DCBLD2: variants seen among roughly 807,000 people sequenced by gnomAD.
DCBLD2 encodes discoidin, CUB and LCCL domain-containing protein 2.
A neutral mutation model predicts 86.8 loss-of-function variants in DCBLD2; 54 were observed. The observed-to-expected ratio is 0.62, with a 90% CI of 0.50 to 0.78. The LOEUF (loss-of-function observed/expected upper bound fraction) is 0.78. DCBLD2 is among the 30% of genes least tolerant of loss of function. The pLI is 0.00. For missense variants in DCBLD2, 908 were observed against 954.2 expected, an observed-to-expected ratio of 0.95 and a Z score of 0.64; for synonymous variants, 354 against 341.3, an observed-to-expected ratio of 1.04 and a Z score of -0.41.
chr3:98,817,758 A>C lies in DCBLD2; in HGVS notation c.1212+11T>G, dbSNP rs201485167. The C allele has an allele frequency of 1.4e-3, 2,207 of 1,612,310 alleles. 4 individuals carry two copies. The highest frequency in any genetic ancestry group is 1.6e-3 in the Non-Finnish European group (1,931 of 1,178,944). ...AAATGTTTTTTAAAAATACCTTGGT[A>C]ATCATTTTACCTTATCTTGCTCCAC... is the stretch of plus-strand genomic sequence containing the variant. On this transcript the variant is annotated intron_variant, in intron 9 of 15. Coordinates refer to ENST00000326840, the MANE Select transcript of DCBLD2 (RefSeq NM_080927.4).
At position 98,819,479 on chromosome 3, in the gene DCBLD2, G is replaced by A. The variant is rs761116917; in HGVS notation, c.872-62C>T. On this transcript the variant is annotated intron_variant, in intron 7 of 15. Transcript: ENST00000326840. ...ATAATTTCAAAATGCATGTAGACCT[G>A]CTCACTGAAAACTTTCTATTCCATC... 12 of 1,546,278 alleles carry A rather than the reference G, an allele frequency of 7.8e-6. No individual in the cohort carries two copies. The South Asian group carries it at 1.1e-4, about 15-fold the overall frequency.
chr3:98,844,505 G>A (rs926965055), intron 3 of DCBLD2, among the ~76,000 whole-genome samples: 4 of 151,898 alleles, frequency 2.6e-5, no homozygotes, highest in African/African-American at 9.7e-5. Flanking sequence ...GGGATTACAG[G>A]CACCCACCAC....
chr3:98,838,193 G>C (rs1289234366), intron 3 of DCBLD2, among the ~76,000 whole-genome samples: 1 of 121,394 alleles, frequency 8.2e-6, no homozygotes, highest in African/African-American at 3.0e-5. Flanking sequence ...GGGCGGAGAC[G>C]CTCCTCACTT....
At chr3:98,899,260 C>CTTTT (rs10605926) in intron 1 of DCBLD2, among the ~76,000 whole-genome samples, 4 of 101,734 alleles carry the variant, frequency 3.9e-5, no homozygotes, top group Non-Finnish European at 6.2e-5. Flanking sequence ...ATTTCTTTTT[C>CTTTT]TTTTTTTTTT....
At chr3:98,898,021 C>T (rs1943781413) in intron 1 of DCBLD2, among the ~76,000 whole-genome samples, 1 of 151,940 alleles carries the variant, frequency 6.6e-6, no homozygotes, top group South Asian at 2.1e-4. Context: ...TTGAGAGGTA[C>T]ATTTTACAGA....
At chr3:98,842,269 C>T (rs1415582175) in intron 3 of DCBLD2, among the ~76,000 whole-genome samples, 1 of 152,066 alleles carries the variant, frequency 6.6e-6, no homozygotes, top group East Asian at 1.9e-4. Flanking sequence ...AGCCTTGCAT[C>T]GTAGATATAT....
chr3:98,882,930 TA>T (rs1943497561), intron 1 of DCBLD2, among the ~76,000 whole-genome samples: 1 of 152,244 alleles, frequency 6.6e-6, no homozygotes, highest in African/African-American at 2.4e-5. Context: ...CCTTTGGGTA[TA>T]TGCCCAGTAA....
intron 2 of DCBLD2, among the ~76,000 whole-genome samples, chr3:98,857,100 G>A (rs1381286179): frequency 6.6e-6 from 1 of 152,166 alleles, no homozygotes; most frequent in African/African-American, 2.4e-5. Flanking sequence ...TCCTTCTGGT[G>A]GGTTCGTGGT....
At chr3:98,821,365 GT>G (rs1942115923) in intron 6 of DCBLD2, among the ~76,000 whole-genome samples, 1 of 152,170 alleles carries the variant, frequency 6.6e-6, no homozygotes, top group South Asian at 2.1e-4. Flanking sequence ...TCTATTTAAT[GT>G]TTCAATTTCT....
At chr3:98,871,930 C>T (rs952125298) in intron 2 of DCBLD2, among the ~76,000 whole-genome samples, 16 of 151,928 alleles carry the variant, frequency 1.1e-4, no homozygotes, top group Non-Finnish European at 1.9e-4. Flanking sequence ...TTGTTGTTGT[C>T]ATTGGGAGAT....
chr3:98,822,372 G>T lies in DCBLD2; in HGVS notation c.697-11C>A. ...GCACAATGGCGAGGACTTAAGGAAG[G>T]GAAAAGAAAAGATTCATTTTTAATT... On this transcript the variant is annotated splice_polypyrimidine_tract_variant and intron_variant, in intron 5 of 15. Transcript: ENST00000326840. 1 of 1,599,810 alleles carries T rather than the reference G, an allele frequency of 6.3e-7. No individual in the cohort carries two copies. The highest frequency in any genetic ancestry group is 8.5e-7 in the Non-Finnish European group (1 of 1,175,238).
intron 3 of DCBLD2, among the ~76,000 whole-genome samples, chr3:98,839,025 C>G (rs12635400): frequency 0.56 from 83,712 of 149,670 alleles, 23,604 homozygotes; most frequent in East Asian, 0.77. Flanking sequence ...GGGAGACCGT[C>G]GGGAGAGGGA....
chr3:98,844,034 G>GCACACACACACACACA (rs10574415), intron 3 of DCBLD2, among the ~76,000 whole-genome samples: 25,618 of 145,316 alleles, frequency 0.18, 2,844 homozygotes, highest in East Asian at 0.44. Context: ...AATCATGCAT[G>GCACACACACACACACA]CACACACACA....
chr3:98,825,508 TG>T (rs1942199186), intron 3 of DCBLD2, 142 bp from the exon 4 acceptor site: 1 of 655,874 alleles, frequency 1.5e-6, no homozygotes, highest in Non-Finnish European at 2.6e-6. Context: ...CTAAAAACTT[TG>T]CCAACTTTTG....
At chr3:98,840,502 T>C (rs1942600078) in intron 3 of DCBLD2, among the ~76,000 whole-genome samples, 1 of 152,140 alleles carries the variant, frequency 6.6e-6, no homozygotes, top group Non-Finnish European at 1.5e-5. Context: ...TACGGGGCAG[T>C]ATATAATTTA....
chr3:98,809,200 C>T (rs1941890656), intron 12 of DCBLD2, among the ~76,000 whole-genome samples: 1 of 152,088 alleles, frequency 6.6e-6, no homozygotes, highest in Non-Finnish European at 1.5e-5. Flanking sequence ...AATGATCTGC[C>T]TAAGGTCACT....
intron 2 of DCBLD2, among the ~76,000 whole-genome samples, chr3:98,871,912 CGTT>C (rs377192059): frequency 3.3e-5 from 5 of 151,988 alleles, no homozygotes; most frequent in Middle Eastern, 3.4e-3. Flanking sequence ...CCTGGGCATT[CGTT>C]GTTGTTGTTG....
At chr3:98,799,974 G>GT in intron 15 of DCBLD2, 133 bp from the exon 16 acceptor site, 1 of 716,600 alleles carries the variant, frequency 1.4e-6, no homozygotes, top group Non-Finnish European at 2.2e-6. Flanking sequence ...TACTTAATCT[G>GT]TAAGAACTTT....
rs376452215 is a variant in DCBLD2, at chr3:98,799,786, G to A, written c.1914C>T (p.Thr638=). 1.7e-5 allele frequency: 27 copies of A among 1,613,724 alleles called. No homozygotes were observed. The East Asian group carries it at 2.7e-4, about 16-fold the overall frequency. The part of the protein sequence containing the change: ...GIVGTLHQRS[T]FKPEEGKEAG... ...CTTCTTTTCCTTCTTCTGGTTTAAA[G>A]GTAGATCTTTGATGAAGTGTACCAA... The change falls in exon 16 of 16, where the codon ACC becomes ACT. Residue 638 remains threonine (T), a synonymous_variant. Transcript: ENST00000326840.
Sources: allele counts gnomAD v4.1 joint callset (sites outside exome capture counted in the v4.1 genomes callset), GRCh38; gene constraint gnomAD v4.1.1; transcripts MANE v1.5; gene names NCBI Gene and HGNC (gene_info 2026-07-23, HGNC 2026-07-21).